The following PHKA2 variants were observed in gnomAD, a reference collection of about 807,000 sequenced individuals.
PHKA2 encodes phosphorylase kinase regulatory subunit alpha 2.
Under a neutral mutation model 102.0 loss-of-function variants are expected in PHKA2, and 31 were observed. The observed-to-expected ratio is 0.30, with a 90% CI of 0.23 to 0.41. PHKA2 has a LOEUF of 0.41. Among genes scored for constraint, PHKA2 ranks in the 10% least tolerant of loss-of-function variants. The pLI, the probability that PHKA2 is intolerant of heterozygous loss-of-function variation, is 1.00. For missense variants in PHKA2, 858 were observed against 1,023.1 expected (o/e 0.84, Z 2.20); for synonymous variants, 455 against 416.2 (o/e 1.09, Z -1.13).
chrX:18,920,096 T>G lies in PHKA2; in HGVS notation c.1899A>C (p.Glu633Asp). 8.4e-7 allele frequency: 1 copy of G among 1,185,249 alleles called. No individual in the cohort carries two copies. The highest frequency in any genetic ancestry group is 1.1e-6 in the Non-Finnish European group (1 of 871,290). ...CDEKLFDNAS[E>D]GTFSPDSDSD... ...AATCACTATCAGGACTGAAAGTCCCTTCGCTGGCATTGTCAAACAACTTCT... is the reference window on the plus strand; with the variant it reads ...AATCACTATCAGGACTGAAAGTCCCGTCGCTGGCATTGTCAAACAACTTCT... The change falls in exon 18 of 33, where the codon GAA becomes GAC. Residue 633 changes from glutamate to aspartate, a missense_variant. Coordinates refer to ENST00000379942, the MANE Select transcript of PHKA2 (RefSeq NM_000292.3).
chrX:18,927,180 A>G (rs1269144955), intron 13 of PHKA2, among the ~76,000 whole-genome samples: 2 of 111,763 alleles, frequency 1.8e-5, no homozygotes, highest in Non-Finnish European at 3.8e-5. Flanking sequence ...GTGGGGAAAA[A>G]GCACCCCAGG....
At chrX:18,898,662 A>T (rs979443876) in intron 29 of PHKA2, among the ~76,000 whole-genome samples, 1 of 112,461 alleles carries the variant, frequency 8.9e-6, no homozygotes, top group Non-Finnish European at 1.9e-5. Flanking sequence ...ACTTAAGGCA[A>T]CAATTAGACA....
chrX:18,894,704 CAGCATGA>C, intron 31 of PHKA2: 1 of 406,593 alleles, frequency 2.5e-6, no homozygotes, highest in East Asian at 4.1e-5. Flanking sequence ...TTATTCCTTC[CAGCATGA>C]AGCATGGTGC....
At chrX:18,956,043 G>A (rs1278187983) in intron 1 of PHKA2, among the ~76,000 whole-genome samples, 1 of 112,259 alleles carries the variant, frequency 8.9e-6, no homozygotes, top group African/African-American at 3.2e-5. Flanking sequence ...AAGCATTTTG[G>A]CTGGGTACGG....
intron 1 of PHKA2, among the ~76,000 whole-genome samples, chrX:18,971,292 T>C (rs2049014842): frequency 8.9e-6 from 1 of 112,467 alleles, no homozygotes; most frequent in Admixed American, 9.5e-5. Flanking sequence ...GTTGTTTAGA[T>C]TTGCTTTACT....
In PHKA2 at chrX:18,951,270, C is replaced by T. The variant is rs937899657; in HGVS notation, c.288G>A (p.Val96=). ...TGTGTTTGAACTTCTCCACTTTGGC[C>T]ACCTGAGGGAGAAGGCAAGCCCGCT... The part of the protein sequence containing the change: ...RGLLQCMMRQ[V]AKVEKFKHTQ... Residue 96 remains valine (V), a splice_region_variant and synonymous_variant, in exon 4 of 33, where the codon GTG becomes GTA. Transcript: ENST00000379942. 1.7e-6 allele frequency: 2 copies of T among 1,209,462 alleles called. No homozygotes were observed. Among genetic ancestry groups the T allele is most frequent in the African/African-American group, 3.5e-5 (2 of 57,289 alleles).
At chrX:18,941,713 G>A in intron 7 of PHKA2, 38 bp from the exon 8 acceptor site, 3 of 977,119 alleles carry the variant, frequency 3.1e-6, no homozygotes, top group Non-Finnish European at 4.4e-6. Flanking sequence ...ACCTGGAGAT[G>A]CGCTAATAGG....
chrX:18,907,157 C>T lies in PHKA2; in HGVS notation c.2518-60G>A. The T allele has an allele frequency of 7.2e-6, 6 of 833,233 alleles. 1 individual carries two copies. In the East Asian group the frequency reaches 1.0e-4, roughly 14 times the overall value. The allele number at this position is 833,233 out of a possible 1,213,427, so 68.7% of individuals were successfully genotyped here. On this transcript the variant is annotated intron_variant, in intron 22 of 32. Transcript: ENST00000379942. ...GCGAGAGAGATACTGGCAAAGACGA[C>T]AGACAGGCAGTGGGGAGGAGACACT...
intron 5 of PHKA2, among the ~76,000 whole-genome samples, chrX:18,948,542 G>A (rs756323983): frequency 8.7e-4 from 97 of 112,107 alleles, no homozygotes; most frequent in Non-Finnish European, 1.6e-3. Context: ...AGAGCACAGA[G>A]TACATTCCAA....
At chrX:18,923,789 T>C (rs1248679632) in intron 17 of PHKA2, among the ~76,000 whole-genome samples, 1 of 112,078 alleles carries the variant, frequency 8.9e-6, no homozygotes, top group East Asian at 2.8e-4. Flanking sequence ...GAAGAACAGA[T>C]GTTTCAGAGG....
chrX:18,954,983 G>A lies in PHKA2; in HGVS notation c.79-571C>T, dbSNP rs145570718. Reference sequence around the variant, plus strand: ...GAGTCCTATTTAGCTATGATATCACGGGTATTTAAAAGGGCAACTGAGTCA... The same window carrying A: ...GAGTCCTATTTAGCTATGATATCACAGGTATTTAAAAGGGCAACTGAGTCA... On this transcript the variant is annotated intron_variant, in intron 1 of 32. Coordinates refer to ENST00000379942, the MANE Select transcript of PHKA2 (RefSeq NM_000292.3). Among the ~76,000 whole-genome samples the A allele has an allele frequency of 3.6e-5, 4 of 112,194 alleles. No homozygotes were observed. The South Asian group carries it at 1.1e-3, about 31-fold the overall frequency.
chrX:18,918,828 T>C lies in PHKA2; in HGVS notation c.1990A>G (p.Ile664Val). The change falls in exon 19 of 33, where the codon ATC (isoleucine) becomes GTC (valine). Residue 664 changes from isoleucine (I) to valine (V), a missense_variant. This residue lies in a region of PHKA2 where 671 missense variants were observed against 745.2 expected (regional missense o/e 0.90). Coordinates refer to ENST00000379942, the MANE Select transcript of PHKA2 (RefSeq NM_000292.3). Reference sequence around the variant, plus strand: ...GATGTGCTTTGCAGAAGGTGGTTGATATAATGGTCAAGTTCGTCTTGGCTT... The same window carrying C: ...GATGTGCTTTGCAGAAGGTGGTTGACATAATGGTCAAGTTCGTCTTGGCTT... Reference protein sequence around the residue: ...QESQDELDHYINHLLQSTSLR... With the variant: ...QESQDELDHYVNHLLQSTSLR... 8.3e-7 allele frequency: 1 copy of C among 1,211,088 alleles called. No individual in the cohort carries two copies. Among genetic ancestry groups the C allele is most frequent in the Non-Finnish European group, 1.1e-6 (1 of 895,040 alleles).
intron 11 of PHKA2, among the ~76,000 whole-genome samples, chrX:18,934,089 G>A (rs780151557): frequency 8.1e-5 from 9 of 111,703 alleles, no homozygotes; most frequent in African/African-American, 2.6e-4. Flanking sequence ...TTACCAATTC[G>A]GTTTTCCCGA....
intron 19 of PHKA2, among the ~76,000 whole-genome samples, chrX:18,912,663 A>G (rs2047946904): frequency 2.7e-5 from 3 of 109,940 alleles, no homozygotes; most frequent in Admixed American, 9.7e-5. Context: ...CTGTAATCCC[A>G]GCACTTTGGC....
At chrX:18,918,948 T>C (rs1216878269) in intron 18 of PHKA2, 94 bp from the exon 19 acceptor site, 2 of 741,218 alleles carry the variant, frequency 2.7e-6, no homozygotes, top group Admixed American at 2.2e-5. Context: ...CAGCACTGAG[T>C]AGGCTTAGCA....
At chrX:18,977,390 A>C (rs1009114877) in intron 1 of PHKA2, among the ~76,000 whole-genome samples, 3 of 112,200 alleles carry the variant, frequency 2.7e-5, no homozygotes, top group African/African-American at 9.7e-5. Context: ...TCAGTGCGGA[A>C]TTCTATGTAA....
chrX:18,900,292 G>C (rs976500052), intron 28 of PHKA2, among the ~76,000 whole-genome samples: 2 of 111,215 alleles, frequency 1.8e-5, no homozygotes, highest in African/African-American at 6.6e-5. Context: ...CCAGGGTTAA[G>C]TCCCCCCAGG....
At chrX:18,966,334 C>T (rs1171374331) in intron 1 of PHKA2, among the ~76,000 whole-genome samples, 2 of 109,718 alleles carry the variant, frequency 1.8e-5, no homozygotes, top group Non-Finnish European at 3.8e-5. Flanking sequence ...TCAAGTGATC[C>T]CCCCGCCTTG....
At chrX:18,928,211 G>A (rs1392789641) in intron 13 of PHKA2, among the ~76,000 whole-genome samples, 4 of 111,443 alleles carry the variant, frequency 3.6e-5, no homozygotes, top group Non-Finnish European at 7.5e-5. Flanking sequence ...GAGGGAGTGG[G>A]TTAACTTCTA....
Sources: gnomAD v4.1 joint callset for allele counts (sites outside exome capture counted in the v4.1 genomes callset) on GRCh38, gnomAD v4.1.1 for gene constraint, gnomAD v4.1.1 regional missense constraint, MANE v1.5 for transcripts, NCBI Gene and HGNC (gene_info 2026-07-23, HGNC 2026-07-21) for gene names.